Variants in HSPD1 observed in about 807,000 individuals in gnomAD.
HSPD1 encodes heat shock protein family D (Hsp60) member 1.
Under a neutral mutation model 53.0 loss-of-function variants are expected in HSPD1, and 3 were observed. The ratio of observed to expected loss-of-function variants is 0.06; its 90% CI spans 0.03 to 0.15. The LOEUF (loss-of-function observed/expected upper bound fraction) is 0.15, where lower values mean the gene tolerates loss of function less well. Among genes scored for constraint, HSPD1 ranks in the 10% least tolerant of loss-of-function variants. The probability of loss-of-function intolerance (pLI) is 1.00; values close to 1 mark genes in which losing one functional copy is unlikely to be tolerated. For missense variants in HSPD1, 431 were observed against 694.1 expected, an observed-to-expected ratio of 0.62 and a Z score of 4.26; for synonymous variants, 200 against 228.0, an observed-to-expected ratio of 0.88 and a Z score of 1.10.
At chr2:197,494,133 A>T in intron 6 of HSPD1, 24 bp downstream of exon 6, 2 of 1,007,526 alleles carry the variant, frequency 2.0e-6, no homozygotes, top group Non-Finnish European at 3.2e-6. Context: ...AATAATAATA[A>T]TTCAGTTATT....
intron 2 of HSPD1, 63 bp from the exon 3 acceptor site, chr2:197,497,455 G>C (rs2086172961): frequency 6.5e-7 from 1 of 1,539,414 alleles, no homozygotes; most frequent in East Asian, 2.2e-5. Context: ...TTTTAAAAAT[G>C]AGCAGTCTTC....
In HSPD1 at chr2:197,499,382, CCTT is replaced by C. The variant is rs530178328; in HGVS notation, c.-3+397_-3+399del. 6 of 164,452 alleles carry C rather than the reference CCTT, an allele frequency of 3.6e-5. No individual in the cohort carries two copies. In the East Asian group the frequency reaches 9.1e-4, roughly 25 times the overall value. 10.2% of individuals were successfully genotyped at this position (164,452 alleles called of 1,614,324 possible). A position where few individuals can be genotyped will look rare whatever the true frequency, so the allele number is the denominator to read the frequency against. ...GCCCACTCGGCGCGAGCCCACGTGT[CCTT>C]CTTTCCGAACGCCCCCAGCAAGGTC... is the stretch of plus-strand genomic sequence containing the variant. On this transcript the variant is annotated intron_variant, in intron 1 of 11. Transcript: ENST00000388968.
chr2:197,498,705 G>C lies in HSPD1; in HGVS notation c.144C>G (p.Ala48=), dbSNP rs11551346. The part of the protein sequence containing the change: ...ALMLQGVDLL[A]DAVAVTMGPK... ...GCCCCATTGTAACGGCCACAGCATCGGCTAAAAGGTCTACACCTTGAAGCA... is the reference window on the plus strand; with the variant it reads ...GCCCCATTGTAACGGCCACAGCATCCGCTAAAAGGTCTACACCTTGAAGCA... Residue 48 remains alanine (A), a synonymous_variant, in exon 2 of 12, where the codon GCC becomes GCG. Transcript: ENST00000388968. 5.6e-6 allele frequency: 9 copies of C among 1,613,780 alleles called. No individual in the cohort carries two copies. Among genetic ancestry groups the C allele is most frequent in the Non-Finnish European group, 7.6e-6 (9 of 1,179,984 alleles).
Position 197,489,231 on chromosome 2 carries a change from C to G in HSPD1, c.986G>C (p.Gly329Ala). The change falls in exon 9 of 12, where the codon GGA becomes GCA. Residue 329 changes from glycine (G) to alanine (A), a missense_variant. By Grantham distance (60) the Gly-to-Ala change is moderately conservative. Transcript: ENST00000388968. The part of the protein sequence containing the change: ...ATGGAVFGEE[G>A]LTLNLEDVQP... ...AACGTCTTCAAGATTCAGGGTCAAT[C>G]CCTCTTCTCCAAACACCTACAAAAA... is the stretch of plus-strand genomic sequence containing the variant. The G allele has an allele frequency of 1.9e-6, 3 of 1,614,178 alleles. No homozygotes were observed. The highest frequency in any genetic ancestry group is 2.5e-6 in the Non-Finnish European group (3 of 1,180,008).
intron 3 of HSPD1, among the ~76,000 whole-genome samples, chr2:197,495,923 A>G (rs550965801): frequency 4.7e-4 from 72 of 152,344 alleles, no homozygotes; most frequent in African/African-American, 1.7e-3. Flanking sequence ...AGATGTGTGT[A>G]GTTTCAAAAG....
intron 4 of HSPD1, 111 bp downstream of exon 4, chr2:197,495,183 T>C (rs2086142339): frequency 2.8e-6 from 2 of 704,744 alleles, no homozygotes; most frequent in African/African-American, 1.8e-5. Context: ...GATTCTAATA[T>C]TGATGATTGG....
intron 2 of HSPD1, 41 bp downstream of exon 2, chr2:197,498,634 T>TTA: frequency 6.5e-7 from 1 of 1,550,320 alleles, no homozygotes. Context: ...TAAAATGCTA[T>TTA]TAATAATACC....
intron 2 of HSPD1, 137 bp from the exon 3 acceptor site, chr2:197,497,529 T>C (rs2086173831): frequency 1.2e-6 from 1 of 853,608 alleles, no homozygotes. Flanking sequence ...TCTTGCAGCA[T>C]GAACCTCAAG....
rs1198177761 is a variant in HSPD1, at chr2:197,497,095, G to A, written c.427+45C>T. On this transcript the variant is annotated intron_variant, in intron 3 of 11. Coordinates refer to ENST00000388968, the MANE Select transcript of HSPD1 (RefSeq NM_002156.5). ...AGGTCCAAGGAATCAATGCCTTAAA[G>A]CACACTGAAGTTTAGAACACTGTGG... The A allele has an allele frequency of 1.0e-5, 16 of 1,592,322 alleles. No homozygotes were observed. The East Asian group carries it at 3.4e-4, about 33-fold the overall frequency.
chr2:197,489,524 A>T (rs2086065280), intron 8 of HSPD1, among the ~76,000 whole-genome samples: 1 of 152,182 alleles, frequency 6.6e-6, no homozygotes, highest in Admixed American at 6.5e-5. Flanking sequence ...ACAAGACCAT[A>T]GGCCTTGACT....
intron 3 of HSPD1, among the ~76,000 whole-genome samples, chr2:197,496,121 GTCAATTA>G (rs1208048448): frequency 6.6e-6 from 1 of 152,178 alleles, no homozygotes; most frequent in Non-Finnish European, 1.5e-5. Context: ...CTCTGCAGGT[GTCAATTA>G]TCTGAAATCC....
upstream of HSPD1, chr2:197,500,263 G>A: frequency 1.3e-6 from 1 of 796,896 alleles, no homozygotes; most frequent in Non-Finnish European, 2.0e-6. Flanking sequence ...GAATCGCGGT[G>A]CGCGTCGGGG....
At chr2:197,493,768 C>T (rs1227503647) in intron 6 of HSPD1, among the ~76,000 whole-genome samples, 1 of 152,136 alleles carries the variant, frequency 6.6e-6, no homozygotes, top group Admixed American at 6.5e-5. Context: ...AATTCAAAAC[C>T]AGCCTGGCCA....
At chr2:197,499,629 C>T (rs906768142) in intron 1 of HSPD1, among the ~76,000 whole-genome samples, 153 bp downstream of exon 1, 8 of 152,122 alleles carry the variant, frequency 5.3e-5, no homozygotes, top group Non-Finnish European at 1.5e-5. Context: ...CATGGACCCG[C>T]GAGGCCTGGA....
At chr2:197,498,423 C>T (rs543854522) in intron 2 of HSPD1, among the ~76,000 whole-genome samples, 1 of 152,174 alleles carries the variant, frequency 6.6e-6, no homozygotes, top group Admixed American at 6.5e-5. Flanking sequence ...AAGAATCCAC[C>T]TTGAGCTGTA....
intron 7 of HSPD1, among the ~76,000 whole-genome samples, chr2:197,492,701 A>T (rs755253589): frequency 4.0e-5 from 6 of 151,444 alleles, no homozygotes; most frequent in Non-Finnish European, 7.4e-5. Context: ...TGTCTCCAAA[A>T]ATAAAAATAA....
At chr2:197,490,428 T>C in intron 7 of HSPD1, 132 bp from the exon 8 acceptor site, 1 of 696,612 alleles carries the variant, frequency 1.4e-6, no homozygotes. Context: ...TTTTTGTTTT[T>C]TTTTTGCTTC....
In HSPD1 at chr2:197,495,393, T is replaced by C; in HGVS notation, c.428-17A>G. The C allele has an allele frequency of 2.0e-6, 3 of 1,479,882 alleles. No homozygotes were observed. Among genetic ancestry groups the C allele is most frequent in the Non-Finnish European group, 2.8e-6 (3 of 1,057,626 alleles). The allele number at this position is 1,479,882 out of a possible 1,614,324, so 91.7% of individuals were successfully genotyped here. On this transcript the variant is annotated splice_polypyrimidine_tract_variant and intron_variant, in intron 3 of 11. Transcript: ENST00000388968. ...ACATCACACCTAGTTCAACGATATATGTCATTACAATGTTTATTTCTCTCA... is the reference window on the plus strand; with the variant it reads ...ACATCACACCTAGTTCAACGATATACGTCATTACAATGTTTATTTCTCTCA...
intron 7 of HSPD1, among the ~76,000 whole-genome samples, chr2:197,491,274 G>A (rs2564385): frequency 1.4e-3 from 213 of 148,402 alleles, no homozygotes; most frequent in African/African-American, 5.0e-3. Flanking sequence ...TGCAACCTCC[G>A]CCTCCTGGGT....
Sources: allele counts gnomAD v4.1 joint callset (sites outside exome capture counted in the v4.1 genomes callset), GRCh38; gene constraint gnomAD v4.1.1; transcripts MANE v1.5; gene names NCBI Gene and HGNC (gene_info 2026-07-23, HGNC 2026-07-21).